SCLT1: variants seen among roughly 807,000 people sequenced by gnomAD.
SCLT1 encodes the protein sodium channel and clathrin linker 1, also known as sodium channel-associated protein 1.
SCLT1 carries 78 observed loss-of-function variants against 112.8 expected under a neutral mutation model. That is an observed-to-expected ratio of 0.69 (90% CI 0.58 to 0.83). The LOEUF (loss-of-function observed/expected upper bound fraction) is 0.83, where lower values mean the gene tolerates loss of function less well. Among genes scored for constraint, SCLT1 ranks in the 40% least tolerant of loss-of-function variants. The pLI is 0.00. For synonymous variants in SCLT1, 257 were observed against 254.7 expected (o/e 1.01, Z -0.09); for missense variants, 747 against 770.4 (o/e 0.97, Z 0.36).
chr4:128,982,864 C>A (rs947886212), intron 9 of SCLT1, among the ~76,000 whole-genome samples: 5 of 151,704 alleles, frequency 3.3e-5, no homozygotes, highest in African/African-American at 1.2e-4. Flanking sequence ...TAATAAGGAC[C>A]CCATGCAAAT....
chr4:129,034,231 AT>A (rs879062624), intron 5 of SCLT1, among the ~76,000 whole-genome samples: 3 of 152,282 alleles, frequency 2.0e-5, no homozygotes, highest in Admixed American at 2.0e-4. Flanking sequence ...CAAATAGATA[AT>A]AAACATTTAC....
downstream of SCLT1, among the ~76,000 whole-genome samples, chr4:128,883,100 C>A (rs541102927): frequency 7.2e-6 from 1 of 139,820 alleles, no homozygotes; most frequent in African/African-American, 2.7e-5. Flanking sequence ...GAGCCGAGAT[C>A]ATGCCTCTGT....
At chr4:128,901,585 T>C (rs1447625603) in intron 18 of SCLT1, among the ~76,000 whole-genome samples, 1 of 151,782 alleles carries the variant, frequency 6.6e-6, no homozygotes, top group Non-Finnish European at 1.5e-5. Flanking sequence ...GATGAGTTAC[T>C]GGGTGCAGCA....
At chr4:128,912,076 T>C (rs1735142972) in intron 18 of SCLT1, among the ~76,000 whole-genome samples, 1 of 152,234 alleles carries the variant, frequency 6.6e-6, no homozygotes. Context: ...AATAACACTT[T>C]TGATATGAAT....
At chr4:128,949,370 T>C (rs1738494341) in intron 14 of SCLT1, among the ~76,000 whole-genome samples, 1 of 151,978 alleles carries the variant, frequency 6.6e-6, no homozygotes, top group Non-Finnish European at 1.5e-5. Flanking sequence ...TGCATTTGCA[T>C]TTCTGTCCCT....
intron 18 of SCLT1, among the ~76,000 whole-genome samples, chr4:128,908,513 TAC>T (rs1406870797): frequency 6.6e-6 from 1 of 152,206 alleles, no homozygotes; most frequent in Non-Finnish European, 1.5e-5. Context: ...ACTCTATATG[TAC>T]AGTTTGTTTT....
At chr4:129,051,965 T>C (rs1391857877) in intron 2 of SCLT1, among the ~76,000 whole-genome samples, 1 of 152,196 alleles carries the variant, frequency 6.6e-6, no homozygotes, top group Non-Finnish European at 1.5e-5. Flanking sequence ...AAGGCTTTTT[T>C]TTGCATCTAT....
At chr4:129,065,060 G>A (rs1750357655) in intron 2 of SCLT1, among the ~76,000 whole-genome samples, 1 of 151,796 alleles carries the variant, frequency 6.6e-6, no homozygotes, top group Admixed American at 6.6e-5. Flanking sequence ...ATTCTCCATG[G>A]TGAAAGAATT....
intron 9 of SCLT1, among the ~76,000 whole-genome samples, chr4:128,982,388 G>C (rs1417679946): frequency 6.6e-6 from 1 of 152,192 alleles, no homozygotes; most frequent in Non-Finnish European, 1.5e-5. Flanking sequence ...TCAGAGCACA[G>C]ATGTACATGT....
intron 2 of SCLT1, among the ~76,000 whole-genome samples, chr4:129,051,734 T>C (rs1343862297): frequency 6.6e-6 from 1 of 152,224 alleles, no homozygotes; most frequent in Non-Finnish European, 1.5e-5. Context: ...TCTTGCCTGA[T>C]TGCCCTGGCC....
At chr4:128,936,619 C>G in intron 18 of SCLT1, 36 bp downstream of exon 18, 4 of 1,331,600 alleles carry the variant, frequency 3.0e-6, no homozygotes, top group Non-Finnish European at 4.2e-6. Context: ...AGAATTTCTT[C>G]TGTAAAACAT....
chr4:128,891,249 A>T, intron 18 of SCLT1, 112 bp from the exon 19 acceptor site: 1 of 772,352 alleles, frequency 1.3e-6, no homozygotes, highest in Non-Finnish European at 2.2e-6. Flanking sequence ...CTTGAGGTGG[A>T]AAATAAAGTC....
chr4:128,876,718 AG>A (rs1732530680), intron 3 of SCLT1: 1 of 152,172 alleles, frequency 6.6e-6, no homozygotes, highest in Non-Finnish European at 1.5e-5. Flanking sequence ...CTACTTACTC[AG>A]TTTGGTATTT....
rs574153822 is a variant in SCLT1, at chr4:128,953,132, T to C, written c.1147-292A>G. ...TTGCTTATAATGGGTTCTATGAAAA[T>C]CTACCATATTAGAAATGAAAACAGA... On this transcript the variant is annotated intron_variant, in intron 13 of 20. Coordinates refer to ENST00000281142, the MANE Select transcript of SCLT1 (RefSeq NM_144643.4). Among the ~76,000 whole-genome samples the C allele has an allele frequency of 6.6e-5, 10 of 152,226 alleles. No individual in the cohort carries two copies. The South Asian group carries it at 2.1e-3, about 32-fold the overall frequency.
At chr4:129,036,289 T>C (rs1171645700) in intron 5 of SCLT1, among the ~76,000 whole-genome samples, 1 of 152,044 alleles carries the variant, frequency 6.6e-6, no homozygotes, top group African/African-American at 2.4e-5. Flanking sequence ...GTTAAATAGG[T>C]GAAGGCAGAT....
At chr4:128,973,075 G>GAAA (rs1740831388) in intron 9 of SCLT1, among the ~76,000 whole-genome samples, 1 of 140,376 alleles carries the variant, frequency 7.1e-6, no homozygotes, top group African/African-American at 2.5e-5. Flanking sequence ...CACATGTTTG[G>GAAA]CTGGACTAGT....
intron 18 of SCLT1, among the ~76,000 whole-genome samples, chr4:128,919,826 A>G (rs1220372376): frequency 1.3e-5 from 2 of 152,184 alleles, no homozygotes; most frequent in African/African-American, 4.8e-5. Flanking sequence ...TTAGAAACAT[A>G]CAACCTTCCA....
At chr4:128,905,490 A>G (rs756994846) in intron 18 of SCLT1, among the ~76,000 whole-genome samples, 7 of 151,148 alleles carry the variant, frequency 4.6e-5, no homozygotes, top group African/African-American at 9.7e-5. Context: ...GATGTTTCAA[A>G]TTCTCCAGTG....
At chr4:128,940,743 T>TATA (rs965768493) in intron 17 of SCLT1, among the ~76,000 whole-genome samples, 2 of 151,906 alleles carry the variant, frequency 1.3e-5, no homozygotes, top group Non-Finnish European at 2.9e-5. Flanking sequence ...GGACTTTATA[T>TATA]ATTTTTTTTA....
Sources: gnomAD v4.1 joint callset for allele counts (sites outside exome capture counted in the v4.1 genomes callset) on GRCh38, gnomAD v4.1.1 for gene constraint, MANE v1.5 for transcripts, NCBI Gene and HGNC (gene_info 2026-07-23, HGNC 2026-07-21) for gene names.